RRP15: variants seen among roughly 807,000 people sequenced by gnomAD.
The protein encoded by RRP15 is ribosomal RNA processing 15 homolog, also known as RRP15-like protein.
RRP15 carries 18 observed loss-of-function variants against 27.1 expected under a neutral mutation model. The ratio of observed to expected loss-of-function variants is 0.66; its 90% confidence interval spans 0.46 to 0.98. The LOEUF is 0.98. Among genes scored for constraint, RRP15 ranks in the 50% least tolerant of loss-of-function variants. The probability of loss-of-function intolerance (pLI) is 0.00; values close to 1 mark genes in which losing one functional copy is unlikely to be tolerated. For missense variants in RRP15, 359 were observed against 337.8 expected, an observed-to-expected ratio of 1.06 and a Z score of -0.49; for synonymous variants, 107 against 109.4, an observed-to-expected ratio of 0.98 and a Z score of 0.14.
In RRP15 at chr1:218,334,336, G is replaced by A. The variant is rs1001687846; in HGVS notation, c.*3245G>A. On this transcript the variant is annotated 3_prime_UTR_variant, in exon 5 of 5. Transcript: ENST00000366932. ...ACTTAGAGCCTAAAGTCACTCAGTA[G>A]GAGGTTCTCAAAGGTCTATTTGAAG... The A allele has an allele frequency of 6.6e-6, 1 of 152,152 alleles. No individual in the cohort carries two copies. Among genetic ancestry groups the A allele is most frequent in the Non-Finnish European group, 1.5e-5 (1 of 68,036 alleles). 9.4% of individuals were successfully genotyped at this position (152,152 alleles called of 1,614,324 possible).
Position 218,285,430 on chromosome 1 carries a change from G to A in RRP15, c.114G>A (p.Glu38=). Residue 38 remains glutamate (E), a synonymous_variant, in exon 1 of 5, where the codon GAG becomes GAA. Coordinates refer to ENST00000366932, the MANE Select transcript of RRP15 (RefSeq NM_016052.4). ...TGAVASVLED[E]ATDTSDSEGS... ...CCGTAGCGTCGGTGCTGGAAGACGAGGCCACAGACACTTCTGATAGTGAAG... is the reference window on the plus strand; with the variant it reads ...CCGTAGCGTCGGTGCTGGAAGACGAAGCCACAGACACTTCTGATAGTGAAG... The A allele has an allele frequency of 6.2e-7, 1 of 1,614,174 alleles. No homozygotes were observed.
rs1656396101 is a variant in RRP15 at position 218,332,877 on chromosome 1, A to C, written c.*1786A>C. 1 of 152,022 alleles carries C rather than the reference A, an allele frequency of 6.6e-6. No homozygotes were observed. The highest frequency in any genetic ancestry group is 1.5e-5 in the Non-Finnish European group (1 of 67,964). The allele number at this position is 152,022 out of a possible 1,614,324, so 9.4% of individuals were successfully genotyped here. A position where few individuals can be genotyped will look rare whatever the true frequency, so the allele number is the denominator to read the frequency against. ...ACAAACACACAATTTTGAAAAAAAA[A>C]AAAAAAAAGTGCAGCAACTTAAACA... On this transcript the variant is annotated 3_prime_UTR_variant, in exon 5 of 5. Transcript: ENST00000366932.
At position 218,331,829 on chromosome 1, in the gene RRP15, C is replaced by G. The variant is rs893233279; in HGVS notation, c.*738C>G. The stretch of plus-strand genomic sequence containing the variant: ...CTGGGACTACAGGTGCCTGCCACCA[C>G]GCCCAGCTAATTTTTTGTTTTTGTA... On this transcript the variant is annotated 3_prime_UTR_variant, in exon 5 of 5. Coordinates refer to ENST00000366932, the MANE Select transcript of RRP15 (RefSeq NM_016052.4). The G allele has an allele frequency of 2.0e-5, 3 of 151,304 alleles. No homozygotes were observed. Among genetic ancestry groups the G allele is most frequent in the African/African-American group, 7.3e-5 (3 of 41,202 alleles). The allele number at this position is 151,304 out of a possible 1,614,324, so 9.4% of individuals were successfully genotyped here.
intron 4 of RRP15, among the ~76,000 whole-genome samples, chr1:218,312,376 G>A (rs972045687): frequency 3.4e-5 from 5 of 147,506 alleles, no homozygotes; most frequent in Non-Finnish European, 5.9e-5. Flanking sequence ...CTCTATCCCC[G>A]TTCTTAAAAC....
intron 4 of RRP15, among the ~76,000 whole-genome samples, chr1:218,330,460 C>G (rs1266653684): frequency 6.6e-6 from 1 of 152,128 alleles, no homozygotes; most frequent in African/African-American, 2.4e-5. Flanking sequence ...GAGATGGCAT[C>G]TTAAAAAACC....
intron 2 of RRP15, among the ~76,000 whole-genome samples, chr1:218,303,499 CTTTA>C (rs932487712): frequency 2.0e-5 from 3 of 152,112 alleles, no homozygotes; most frequent in African/African-American, 7.2e-5. Flanking sequence ...TCTTATTGTA[CTTTA>C]TTTAAGGTAA....
rs564450695 is a variant in RRP15, at chr1:218,337,154, T to C, written c.*6063T>C. On this transcript the variant is annotated 3_prime_UTR_variant, in exon 5 of 5. Transcript: ENST00000366932. ...TGTCTATCTAGCACAGTGCCTGTTA[T>C]GTAGTAGCGTGTCAAGAGATGTTCT... is the stretch of plus-strand genomic sequence containing the variant. The C allele has an allele frequency of 2.0e-4, 30 of 152,358 alleles. No individual in the cohort carries two copies. Among genetic ancestry groups the C allele is most frequent in the African/African-American group, 7.2e-4 (30 of 41,588 alleles). The allele number at this position is 152,358 out of a possible 1,614,324, so 9.4% of individuals were successfully genotyped here.
chr1:218,321,252 G>C (rs2102512189), intron 4 of RRP15, among the ~76,000 whole-genome samples: 1 of 152,286 alleles, frequency 6.6e-6, no homozygotes, highest in South Asian at 2.1e-4. Context: ...GGTGGGGACT[G>C]TTTGTTTCCT....
In RRP15 at chr1:218,331,651, C is replaced by CTTTTTTTTTTTTTTTTT. The variant is rs34150523; in HGVS notation, c.*583_*599dup. ...TGATTTAAGAAACAACAGATTTCAA[C>CTTTTTTTTTTTTTTTTT]TTTTTTTTTTTTTTTTTTTTTTTTT... On this transcript the variant is annotated 3_prime_UTR_variant, in exon 5 of 5. Transcript: ENST00000366932. 5.6e-5 allele frequency: 2 copies of CTTTTTTTTTTTTTTTTT among 35,650 alleles called. 1 individual carries two copies. The highest frequency in any genetic ancestry group is 1.7e-4 in the African/African-American group (2 of 11,432). The allele number at this position is 35,650 out of a possible 1,614,324, so 2.2% of individuals were successfully genotyped here.
chr1:218,316,365 GCA>G (rs1248914813), intron 4 of RRP15, among the ~76,000 whole-genome samples: 2 of 152,032 alleles, frequency 1.3e-5, no homozygotes, highest in Non-Finnish European at 2.9e-5. Context: ...AAATTATCCT[GCA>G]CAGATGAGTC....
intron 1 of RRP15, among the ~76,000 whole-genome samples, chr1:218,294,657 T>G (rs1440919014): frequency 6.6e-6 from 1 of 152,142 alleles, no homozygotes; most frequent in African/African-American, 2.4e-5. Context: ...CTGTTTTTTT[T>G]TTAATGTTTT....
intron 1 of RRP15, 50 bp downstream of exon 1, chr1:218,285,505 A>C (rs1228581452): frequency 6.2e-7 from 1 of 1,609,432 alleles, no homozygotes; most frequent in East Asian, 2.2e-5. Flanking sequence ...GGCGGGGCTG[A>C]GTTCGTGTCA....
intron 2 of RRP15, 109 bp from the exon 3 acceptor site, chr1:218,304,919 A>G (rs1655873179): frequency 9.7e-7 from 1 of 1,026,084 alleles, no homozygotes; most frequent in East Asian, 2.6e-5. Flanking sequence ...CTGACAAACT[A>G]AGCCAGAATG....
intron 3 of RRP15, 132 bp from the exon 4 acceptor site, chr1:218,307,299 G>A (rs1391374747): frequency 3.8e-5 from 25 of 659,834 alleles, no homozygotes; most frequent in Admixed American, 1.9e-4. Context: ...CACTTATCCC[G>A]TTCTTTCCTT....
At chr1:218,305,160 A>G in intron 3 of RRP15, 35 bp downstream of exon 3, 2 of 1,485,228 alleles carry the variant, frequency 1.3e-6, no homozygotes, top group Admixed American at 1.7e-5. Context: ...AAAAATAAGT[A>G]TACTAAAGCT....
At chr1:218,285,568 C>G in intron 1 of RRP15, 113 bp downstream of exon 1, 1 of 1,432,452 alleles carries the variant, frequency 7.0e-7, no homozygotes, top group Admixed American at 2.0e-5. Context: ...TATCTTGGCA[C>G]CACTTCAGAG....
intron 4 of RRP15, among the ~76,000 whole-genome samples, chr1:218,324,514 C>T (rs753770799): frequency 6.6e-6 from 1 of 152,226 alleles, no homozygotes; most frequent in Non-Finnish European, 1.5e-5. Flanking sequence ...GCTCCTGCTA[C>T]CACCGCCTGC....
chr1:218,313,240 G>A (rs1656030315), intron 4 of RRP15, among the ~76,000 whole-genome samples: 1 of 152,182 alleles, frequency 6.6e-6, no homozygotes, highest in South Asian at 2.1e-4. Flanking sequence ...AGACCAATTA[G>A]TGGAAGACAA....
In RRP15 at chr1:218,305,040, C is replaced by A. The variant is rs759583127; in HGVS notation, c.418C>A (p.Leu140Met). 3 of 1,613,396 alleles carry A rather than the reference C, an allele frequency of 1.9e-6. No homozygotes were observed. Among genetic ancestry groups the A allele is most frequent in the Non-Finnish European group, 2.5e-6 (3 of 1,179,504 alleles). Residue 140 changes from leucine to methionine, a missense_variant, in exon 3 of 5, where the codon CTG (leucine) becomes ATG (methionine). Physicochemically the swap from Leu to Met is conservative, Grantham distance 15. Coordinates refer to ENST00000366932, the MANE Select transcript of RRP15 (RefSeq NM_016052.4). ...ATTTATAACGCAGCGTGATAAGAGG[C>A]TGGAGTGGGAAATGATGTGCAGAGT... Reference protein sequence around the residue: ...LEKIKQRDKRLEWEMMCRVKP... With the variant: ...LEKIKQRDKRMEWEMMCRVKP...
Sources: allele counts gnomAD v4.1 joint callset (sites outside exome capture counted in the v4.1 genomes callset), GRCh38; gene constraint gnomAD v4.1.1; transcripts MANE v1.5; gene names NCBI Gene and HGNC (gene_info 2026-07-23, HGNC 2026-07-21).